Variants in NUP98 observed in about 807,000 individuals in gnomAD.
NUP98 encodes nucleoporin 98 and 96 precursor, also known as nuclear pore complex protein Nup98-Nup96.
A neutral mutation model predicts 191.9 loss-of-function variants in NUP98; 26 were observed. The observed-to-expected ratio is 0.14, with a 90% CI of 0.10 to 0.19. The LOEUF (loss-of-function observed/expected upper bound fraction) is 0.19. Ranked by LOEUF, NUP98 falls within the 10% of genes least tolerant of loss-of-function variation. The pLI, the probability that NUP98 is intolerant of heterozygous loss-of-function variation, is 1.00. For missense variants in NUP98, 1,941 were observed against 2,178.8 expected (o/e 0.89, Z 2.17); for synonymous variants, 808 against 778.4 (o/e 1.04, Z -0.63).
intron 5 of NUP98, among the ~76,000 whole-genome samples, chr11:3,774,984 A>G (rs976303317): frequency 6.6e-6 from 1 of 152,206 alleles, no homozygotes. Context: ...AAAGATTTCC[A>G]TTAGGCTAAC....
At chr11:3,769,418 A>G (rs2081444901) in intron 7 of NUP98, among the ~76,000 whole-genome samples, 2 of 151,406 alleles carry the variant, frequency 1.3e-5, no homozygotes, top group African/African-American at 4.9e-5. Context: ...AGAGCTAGAC[A>G]GTGTCCTCCA....
At chr11:3,796,866 C>T (rs1331883597) in intron 1 of NUP98, among the ~76,000 whole-genome samples, 1 of 152,188 alleles carries the variant, frequency 6.6e-6, no homozygotes, top group South Asian at 2.1e-4. Context: ...ACACTGAACA[C>T]GTGGGAAAAT....
intron 14 of NUP98, among the ~76,000 whole-genome samples, chr11:3,728,156 C>T (rs972180109): frequency 2.0e-5 from 3 of 152,054 alleles, no homozygotes; most frequent in African/African-American, 4.8e-5. Context: ...GGGGCAAAGG[C>T]CCAAATAAAT....
intron 9 of NUP98, among the ~76,000 whole-genome samples, chr11:3,761,651 C>T (rs1051024048): frequency 1.3e-5 from 2 of 152,006 alleles, no homozygotes; most frequent in African/African-American, 2.4e-5. Flanking sequence ...CCCAGCTACT[C>T]GGGAGGCTGA....
chr11:3,729,715 C>CAAAAAAAAAAAAAAAAAAAAAA lies in NUP98; in HGVS notation c.1730+1654_1730+1675dup, dbSNP rs755816362. Among the ~76,000 whole-genome samples, 50 of 37,408 alleles carry CAAAAAAAAAAAAAAAAAAAAAA rather than the reference C, an allele frequency of 1.3e-3. 4 individuals are homozygous for CAAAAAAAAAAAAAAAAAAAAAA. Among genetic ancestry groups the CAAAAAAAAAAAAAAAAAAAAAA allele is most frequent in the Non-Finnish European group, 1.7e-3 (31 of 18,648 alleles). 24.5% of individuals were successfully genotyped at this position (37,408 alleles called of 152,430 possible). A position where few individuals can be genotyped will look rare whatever the true frequency, so the allele number is the denominator to read the frequency against. The stretch of plus-strand genomic sequence containing the variant: ...GGGCAATGGCATAAGACTCTTGCCT[C>CAAAAAAAAAAAAAAAAAAAAAA]AAAAAAAAAAAAAAAAAAAAAAAAA... On this transcript the variant is annotated intron_variant, in intron 14 of 32. Transcript: ENST00000324932.
chr11:3,765,312 G>A (rs541577271), intron 8 of NUP98, among the ~76,000 whole-genome samples: 6 of 152,202 alleles, frequency 3.9e-5, no homozygotes, highest in Admixed American at 1.3e-4. Flanking sequence ...ATGATTCCCC[G>A]ACCTCAGCCT....
At chr11:3,707,591 A>G (rs545049212) in intron 20 of NUP98, among the ~76,000 whole-genome samples, 3 of 151,472 alleles carry the variant, frequency 2.0e-5, no homozygotes, top group South Asian at 2.1e-4. Flanking sequence ...TCTACTAAAA[A>G]TATAAAAATT....
intron 25 of NUP98, among the ~76,000 whole-genome samples, chr11:3,698,111 C>A (rs2078568310): frequency 2.0e-5 from 3 of 152,134 alleles, no homozygotes; most frequent in Middle Eastern, 6.8e-3. Flanking sequence ...TAAAAGAATG[C>A]TAAGAAGTAT....
rs1251530123 is a variant in NUP98 at position 3,675,429 on chromosome 11, G to T, written c.*730C>A. 4.4e-6 allele frequency: 1 copy of T among 226,878 alleles called. No homozygotes were observed. The highest frequency in any genetic ancestry group is 2.2e-5 in the African/African-American group (1 of 44,984). 14.1% of individuals were successfully genotyped at this position (226,878 alleles called of 1,614,324 possible). On this transcript the variant is annotated 3_prime_UTR_variant, in exon 33 of 33. Transcript: ENST00000324932. Reference sequence around the variant, plus strand: ...ATCCAGACAGAGTCTCAGCAAGACTGAAAACCAGGGACCAAACCAAACTCT... The same window carrying T: ...ATCCAGACAGAGTCTCAGCAAGACTTAAAACCAGGGACCAAACCAAACTCT...
At chr11:3,736,100 T>G (rs10834977) in intron 12 of NUP98, among the ~76,000 whole-genome samples, 14,271 of 111,190 alleles carry the variant, frequency 0.13, 1,791 homozygotes, top group African/African-American at 0.35. Context: ...GTGTGTGTGT[T>G]TTGTTTTTTT....
At chr11:3,689,137 G>A (rs2078226681) in intron 28 of NUP98, among the ~76,000 whole-genome samples, 1 of 152,058 alleles carries the variant, frequency 6.6e-6, no homozygotes, top group Admixed American at 6.6e-5. Flanking sequence ...GGAGGCTGAG[G>A]TGAAAGGATC....
chr11:3,747,570 C>CA (rs2080554922), intron 11 of NUP98, among the ~76,000 whole-genome samples: 1 of 152,052 alleles, frequency 6.6e-6, no homozygotes, highest in African/African-American at 2.4e-5. Flanking sequence ...AATCACATGC[C>CA]AAGGGTCAGT....
rs192982845 is a variant in NUP98 at position 3,796,296 on chromosome 11, T to C, written c.-29+1104A>G. On this transcript the variant is annotated intron_variant, in intron 1 of 32. Transcript: ENST00000324932. ...TACTACAAACGGACTCCTACCTGGCTTTCTAAGTCTTATCAATATTTCCTG... is the reference window on the plus strand; with the variant it reads ...TACTACAAACGGACTCCTACCTGGCCTTCTAAGTCTTATCAATATTTCCTG... 1.2e-4 allele frequency among the ~76,000 whole-genome samples: 18 copies of C among 152,164 alleles called. No individual in the cohort carries two copies. In the East Asian group the frequency reaches 3.5e-3, roughly 29 times the overall value.
At chr11:3,712,802 G>C (rs1242164634) in intron 19 of NUP98, 74 bp from the exon 20 acceptor site, 2 of 1,459,066 alleles carry the variant, frequency 1.4e-6, no homozygotes, top group African/African-American at 1.4e-5. Flanking sequence ...CAATCTTGCA[G>C]CATTACCTTA....
chr11:3,717,651 G>A (rs924595251), intron 18 of NUP98, among the ~76,000 whole-genome samples: 2 of 152,150 alleles, frequency 1.3e-5, no homozygotes, highest in Non-Finnish European at 2.9e-5. Context: ...TTTCAAAACT[G>A]TATTAACTTT....
At chr11:3,695,366 AG>A in intron 26 of NUP98, 82 bp downstream of exon 26, 5 of 1,272,538 alleles carry the variant, frequency 3.9e-6, no homozygotes, top group Non-Finnish European at 5.2e-6. Flanking sequence ...CAATTTACAA[AG>A]ATCACTCCTT....
intron 20 of NUP98, among the ~76,000 whole-genome samples, chr11:3,711,054 A>G (rs2134160772): frequency 6.6e-6 from 1 of 152,242 alleles, no homozygotes; most frequent in African/African-American, 2.4e-5. Context: ...ACATGAGTTG[A>G]GGCCAACATG....
chr11:3,731,604 T>A (rs750437445), intron 13 of NUP98, 26 bp from the exon 14 acceptor site: 10 of 1,496,160 alleles, frequency 6.7e-6, no homozygotes, highest in Admixed American at 2.2e-5. Context: ...ATCAAGGAAA[T>A]TTTTGGTTTA....
chr11:3,756,751 A>G (rs191760461), intron 10 of NUP98, among the ~76,000 whole-genome samples: 48 of 152,132 alleles, frequency 3.2e-4, no homozygotes, highest in African/African-American at 1.1e-3. Context: ...GACATCATAT[A>G]TATCTTAATA....
Sources: gnomAD v4.1 joint callset for allele counts (sites outside exome capture counted in the v4.1 genomes callset) on GRCh38, gnomAD v4.1.1 for gene constraint, MANE v1.5 for transcripts, NCBI Gene and HGNC (gene_info 2026-07-23, HGNC 2026-07-21) for gene names.